Variants in SHISA6 observed in about 807,000 individuals in gnomAD.
The protein encoded by SHISA6 is shisa family member 6, also known as protein shisa-6.
A neutral mutation model predicts 47.9 loss-of-function variants in SHISA6; 22 were observed. That is an observed-to-expected ratio of 0.46 (90% CI 0.33 to 0.66). SHISA6 has a LOEUF of 0.66. SHISA6 is among the 30% of genes least tolerant of loss of function. The probability of loss-of-function intolerance (pLI) is 0.02; values close to 1 mark genes in which losing one functional copy is unlikely to be tolerated. For synonymous variants in SHISA6, 388 were observed against 337.8 expected (o/e 1.15, Z -1.63); for missense variants, 680 against 764.6 (o/e 0.89, Z 1.30).
At chr17:11,427,582 C>A (rs1401543984) in intron 3 of SHISA6, among the ~76,000 whole-genome samples, 1 of 152,124 alleles carries the variant, frequency 6.6e-6, no homozygotes, top group Non-Finnish European at 1.5e-5. Context: ...CCTCACTGCT[C>A]AGGGTGAAAC....
chr17:11,450,503 CA>C (rs894926778), intron 3 of SHISA6, among the ~76,000 whole-genome samples: 8 of 151,738 alleles, frequency 5.3e-5, no homozygotes, highest in African/African-American at 1.7e-4. Flanking sequence ...CTAAATATAC[CA>C]AAAAATTAGT....
chr17:11,450,042 G>T (rs1225443382), intron 3 of SHISA6, among the ~76,000 whole-genome samples: 1 of 152,100 alleles, frequency 6.6e-6, no homozygotes, highest in Non-Finnish European at 1.5e-5. Flanking sequence ...CCGCCACCAC[G>T]CCTGGTTAAT....
intron 3 of SHISA6, among the ~76,000 whole-genome samples, chr17:11,428,314 T>C (rs1454034110): frequency 1.3e-5 from 2 of 152,186 alleles, no homozygotes; most frequent in Non-Finnish European, 2.9e-5. Context: ...GTGGATGTGC[T>C]CAGTCTTTTA....
intron 3 of SHISA6, among the ~76,000 whole-genome samples, chr17:11,524,123 C>T (rs900362517): frequency 7.9e-5 from 12 of 152,016 alleles, no homozygotes; most frequent in African/African-American, 2.9e-4. Flanking sequence ...AAATAATACA[C>T]ATACTTTTCA....
intron 3 of SHISA6, among the ~76,000 whole-genome samples, chr17:11,481,543 AG>A (rs1191671461): frequency 1.3e-5 from 2 of 149,812 alleles, no homozygotes; most frequent in South Asian, 2.1e-4. Context: ...CCCAGGCTGG[AG>A]TGCAGTGGCG....
At chr17:11,550,073 G>A (rs555407127) in intron 3 of SHISA6, among the ~76,000 whole-genome samples, 5 of 149,258 alleles carry the variant, frequency 3.3e-5, no homozygotes, top group Admixed American at 2.0e-4. Flanking sequence ...TTTTTTTTCC[G>A]AGACGAAGTT....
chr17:11,366,872 A>G (rs1300431936), intron 2 of SHISA6, among the ~76,000 whole-genome samples: 1 of 152,222 alleles, frequency 6.6e-6, no homozygotes, highest in Non-Finnish European at 1.5e-5. Context: ...TTGCCCCCAT[A>G]AAAGATATGT....
chr17:11,487,502 C>T (rs774879305), intron 3 of SHISA6, among the ~76,000 whole-genome samples: 1 of 152,120 alleles, frequency 6.6e-6, no homozygotes, highest in Non-Finnish European at 1.5e-5. Flanking sequence ...CAGTATTATC[C>T]TATCTAGCCA....
chr17:11,389,779 G>GT (rs1286231770), intron 3 of SHISA6, among the ~76,000 whole-genome samples: 2 of 152,178 alleles, frequency 1.3e-5, no homozygotes, highest in Admixed American at 6.5e-5. Context: ...GCACTGAGTG[G>GT]TCATCTAAGT....
chr17:11,462,657 G>A (rs906257290), intron 3 of SHISA6, among the ~76,000 whole-genome samples: 17 of 151,994 alleles, frequency 1.1e-4, no homozygotes, highest in African/African-American at 4.1e-4. Context: ...GTCTCACTCT[G>A]TTGCCCAGGC....
chr17:11,557,746 C>T lies in SHISA6; in HGVS notation c.1106-8C>T, dbSNP rs2071995199. 6.5e-7 allele frequency: 1 copy of T among 1,531,048 alleles called. No homozygotes were observed. Among genetic ancestry groups the T allele is most frequent in the Non-Finnish European group, 8.8e-7 (1 of 1,136,050 alleles). 94.8% of individuals were successfully genotyped at this position (1,531,048 alleles called of 1,614,324 possible). On this transcript the variant is annotated splice_polypyrimidine_tract_variant and splice_region_variant and intron_variant, in intron 5 of 5. Transcript: ENST00000441885. The stretch of plus-strand genomic sequence containing the variant: ...GTTGCCTTCTCTCACTCTGTCTCTC[C>T]CCTGCAGCCGACAAGGAGGCTGACG...
intron 3 of SHISA6, among the ~76,000 whole-genome samples, chr17:11,424,183 A>T (rs1195047002): frequency 6.6e-6 from 1 of 152,206 alleles, no homozygotes; most frequent in Admixed American, 6.5e-5. Flanking sequence ...CCATGGAGGA[A>T]GTGAAATAAT....
At chr17:11,480,901 G>A (rs1916194257) in intron 3 of SHISA6, among the ~76,000 whole-genome samples, 2 of 152,106 alleles carry the variant, frequency 1.3e-5, no homozygotes, top group East Asian at 1.9e-4. Context: ...ATCAGTTGAA[G>A]GCAGGGGGAA....
chr17:11,469,018 CAAAAAAAAAA>C (rs61191316), intron 3 of SHISA6, among the ~76,000 whole-genome samples: 17 of 46,070 alleles, frequency 3.7e-4, no homozygotes, highest in South Asian at 2.4e-3. Flanking sequence ...GACTCCGTCT[CAAAAAAAAAA>C]AAAAAAAAAA....
At chr17:11,362,139 A>G (rs1912310598) in intron 2 of SHISA6, among the ~76,000 whole-genome samples, 1 of 152,034 alleles carries the variant, frequency 6.6e-6, no homozygotes. Flanking sequence ...TCCTGGGCCT[A>G]GTTTTTCTTT....
intron 3 of SHISA6, among the ~76,000 whole-genome samples, chr17:11,469,409 C>T (rs1364111831): frequency 6.6e-6 from 1 of 152,144 alleles, no homozygotes; most frequent in Non-Finnish European, 1.5e-5. Context: ...AAGAATGCAG[C>T]CCCAGTATCA....
chr17:11,478,358 C>A (rs1349759784), intron 3 of SHISA6, among the ~76,000 whole-genome samples: 32 of 122,364 alleles, frequency 2.6e-4, no homozygotes, highest in African/African-American at 8.2e-4. Context: ...AATTTTCTCC[C>A]ATTTTGTAGG....
chr17:11,262,478 C>T (rs1253278551), intron 1 of SHISA6, among the ~76,000 whole-genome samples: 1 of 152,204 alleles, frequency 6.6e-6, no homozygotes, highest in African/African-American at 2.4e-5. Context: ...ACATGTCACA[C>T]CCACAGAGGG....
At chr17:11,452,098 C>A (rs1354041520) in intron 3 of SHISA6, among the ~76,000 whole-genome samples, 1 of 152,210 alleles carries the variant, frequency 6.6e-6, no homozygotes, top group African/African-American at 2.4e-5. Flanking sequence ...GGAGAATAAG[C>A]TTTATCTCCA....
Sources: allele counts gnomAD v4.1 joint callset (sites outside exome capture counted in the v4.1 genomes callset), GRCh38; gene constraint gnomAD v4.1.1; transcripts MANE v1.5; gene names NCBI Gene and HGNC (gene_info 2026-07-23, HGNC 2026-07-21).